Variants in AOX1 observed in about 807,000 individuals in gnomAD.
AOX1 encodes the protein aldehyde oxidase 1.
AOX1 carries 153 observed loss-of-function variants against 169.5 expected under a neutral mutation model. The ratio of observed to expected loss-of-function variants is 0.90; its 90% CI spans 0.79 to 1.03. AOX1 has a LOEUF of 1.03. Ranked by LOEUF, AOX1 falls within the 50% of genes least tolerant of loss-of-function variation. The pLI is 0.00. For missense variants in AOX1, 1,656 were observed against 1,663.9 expected (o/e 1.00, Z 0.08); for synonymous variants, 562 against 581.9 (o/e 0.97, Z 0.49).
At chr2:200,654,655 C>T (rs758338457) in intron 26 of AOX1, among the ~76,000 whole-genome samples, 1 of 152,190 alleles carries the variant, frequency 6.6e-6, no homozygotes, top group Non-Finnish European at 1.5e-5. Flanking sequence ...ACTCAAATGT[C>T]TGAATGGCTG....
chr2:200,630,673 T>C (rs1381423220), intron 20 of AOX1, among the ~76,000 whole-genome samples: 1 of 152,162 alleles, frequency 6.6e-6, no homozygotes, highest in East Asian at 1.9e-4. Flanking sequence ...ATTTTCATCC[T>C]CTTGACTCAC....
In AOX1 at chr2:200,604,042, A is replaced by G. The variant is rs775752418; in HGVS notation, c.614A>G (p.Glu205Gly). The part of the protein sequence containing the change: ...SKTSPKLFAE[E>G]EFLPLDPTQE... ...ACAAGTCCAAAACTCTTCGCAGAAG[A>G]GGAGTTTCTGCCATTGGATCCAACC... The change falls in exon 8 of 35, where the codon GAG (glutamate) becomes GGG (glycine). Residue 205 changes from glutamate (E) to glycine (G), a missense_variant. Physicochemically the swap from Glu to Gly is moderately conservative, Grantham distance 98. Transcript: ENST00000374700. 23 of 1,612,868 alleles carry G rather than the reference A, an allele frequency of 1.4e-5. No homozygotes were observed. The African/African-American group carries it at 2.9e-4, about 21-fold the overall frequency.
At chr2:200,657,190 A>ATATATTTTTTTTTTTTTT in intron 27 of AOX1, among the ~76,000 whole-genome samples, 9 of 62,878 alleles carry the variant, frequency 1.4e-4, no homozygotes, top group African/African-American at 5.5e-4. Context: ...ATATATATAT[A>ATATATTTTTTTTTTTTTT]TTTTTTTTTT....
chr2:200,590,562 A>C lies in AOX1; in HGVS notation c.46-2584A>C, dbSNP rs1254387106. ...CTCCAAATACAACCCTCACTACATC[A>C]AAACAACAACAACAACAACAACAAC... is the stretch of plus-strand genomic sequence containing the variant. On this transcript the variant is annotated intron_variant, in intron 1 of 34. Coordinates refer to ENST00000374700, the MANE Select transcript of AOX1 (RefSeq NM_001159.4). Among the ~76,000 whole-genome samples the C allele has an allele frequency of 8.5e-5, 13 of 152,168 alleles. No individual in the cohort carries two copies. The East Asian group carries it at 2.5e-3, about 29-fold the overall frequency.
At chr2:200,604,989 G>A (rs1311338877) in intron 9 of AOX1, 149 bp downstream of exon 9, 4 of 715,136 alleles carry the variant, frequency 5.6e-6, no homozygotes, top group Non-Finnish European at 9.2e-6. Context: ...TAGACTTCCT[G>A]AGCATTGCTC....
At chr2:200,664,918 G>A (rs891684915) in intron 31 of AOX1, among the ~76,000 whole-genome samples, 1 of 152,148 alleles carries the variant, frequency 6.6e-6, no homozygotes, top group African/African-American at 2.4e-5. Context: ...GGCTTATCTG[G>A]GTGATTCTGC....
chr2:200,593,109 G>A (rs369319200), intron 1 of AOX1, 37 bp from the exon 2 acceptor site: 14 of 1,496,786 alleles, frequency 9.4e-6, no homozygotes, highest in Admixed American at 1.7e-5. Context: ...TTTCATATTA[G>A]CTCTCTCAAC....
chr2:200,620,844 T>C, intron 17 of AOX1, 25 bp downstream of exon 17: 1 of 1,581,546 alleles, frequency 6.3e-7, no homozygotes, highest in South Asian at 1.2e-5. Context: ...TCTTACTCAA[T>C]GGGCATAAAT....
intron 6 of AOX1, among the ~76,000 whole-genome samples, chr2:200,602,701 A>G (rs372791420): frequency 1.3e-5 from 2 of 152,226 alleles, no homozygotes; most frequent in East Asian, 3.9e-4. Flanking sequence ...TTTGGTCACA[A>G]TGTGGTGCAA....
intron 6 of AOX1, 86 bp downstream of exon 6, chr2:200,602,431 T>C: frequency 8.6e-7 from 1 of 1,168,978 alleles, no homozygotes; most frequent in Non-Finnish European, 1.3e-6. Flanking sequence ...GGGGCAGCCA[T>C]CTTACTAATA....
intron 32 of AOX1, among the ~76,000 whole-genome samples, chr2:200,668,401 G>A (rs184063229): frequency 1.6e-4 from 24 of 152,140 alleles, no homozygotes; most frequent in Non-Finnish European, 2.9e-4. Context: ...GAGCCACCAC[G>A]CCCGGCTGAC....
At chr2:200,594,874 A>G (rs2034247825) in intron 2 of AOX1, among the ~76,000 whole-genome samples, 1 of 152,238 alleles carries the variant, frequency 6.6e-6, no homozygotes, top group South Asian at 2.1e-4. Flanking sequence ...GATGACACAA[A>G]TATTCCAAGC....
intron 32 of AOX1, among the ~76,000 whole-genome samples, chr2:200,667,931 C>T (rs2035951222): frequency 3.9e-5 from 6 of 151,962 alleles, no homozygotes; most frequent in Admixed American, 3.9e-4. Context: ...TCTCTGGACA[C>T]ATCAGTCAGG....
At position 200,668,720 on chromosome 2, in the gene AOX1, C is replaced by G. The variant is rs1286892570; in HGVS notation, c.3715C>G (p.Pro1239Ala). 3 of 1,614,036 alleles carry G rather than the reference C, an allele frequency of 1.9e-6. No individual in the cohort carries two copies. Among genetic ancestry groups the G allele is most frequent in the Admixed American group, 1.7e-5 (1 of 59,990 alleles). ...TCGTGGTCCAGACCAATATAAAATC[C>G]CTGCCATCTGTGACATGCCCACGGA... is the stretch of plus-strand genomic sequence containing the variant. ...HTRGPDQYKI[P>A]AICDMPTELH... Residue 1239 changes from proline (P) to alanine (A), a missense_variant, in exon 33 of 35, where the codon CCT becomes GCT. Pro to Ala is a conservative substitution (Grantham distance 27). Coordinates refer to ENST00000374700, the MANE Select transcript of AOX1 (RefSeq NM_001159.4).
At chr2:200,607,671 G>A (rs1417408229) in intron 10 of AOX1, among the ~76,000 whole-genome samples, 1 of 152,042 alleles carries the variant, frequency 6.6e-6, no homozygotes, top group Non-Finnish European at 1.5e-5. Flanking sequence ...TGCACACTTA[G>A]GTATATTGCA....
rs1487789955 is a variant in AOX1, at chr2:200,641,176, T to TC, written c.2648dup (p.Leu884IlefsTer65). On this transcript the variant is annotated frameshift_variant, in exon 24 of 35. Coordinates refer to ENST00000374700, the MANE Select transcript of AOX1 (RefSeq NM_001159.4). LOFTEE classifies it high-confidence loss of function. ...CAATGCAGGCGCCTCCTTGGATGAA[T>TC]CATTATTCGTAAGTGTTTTAAGGAG... is the stretch of plus-strand genomic sequence containing the variant. 3 of 1,608,154 alleles carry TC rather than the reference T, an allele frequency of 1.9e-6. No individual in the cohort carries two copies. The highest frequency in any genetic ancestry group is 2.6e-6 in the Non-Finnish European group (3 of 1,174,854).
intron 28 of AOX1, among the ~76,000 whole-genome samples, 198 bp from the exon 29 acceptor site, chr2:200,659,797 C>CACAT (rs1188248108): frequency 1.1e-4 from 13 of 123,634 alleles, no homozygotes; most frequent in Admixed American, 3.0e-4. Context: ...CACACACACA[C>CACAT]ACACACACAC....
chr2:200,659,344 T>C (rs1476712484), intron 28 of AOX1, 51 bp downstream of exon 28: 1 of 1,580,302 alleles, frequency 6.3e-7, no homozygotes, highest in Non-Finnish European at 8.6e-7. Flanking sequence ...CAGGGCCAAA[T>C]ACGTGGGTGG....
At chr2:200,644,305 T>C (rs564864337) in intron 25 of AOX1, among the ~76,000 whole-genome samples, 8 of 152,352 alleles carry the variant, frequency 5.3e-5, no homozygotes, top group African/African-American at 1.9e-4. Flanking sequence ...TAGCACCATT[T>C]GTTGAAAAGG....
Sources: allele counts gnomAD v4.1 joint callset (sites outside exome capture counted in the v4.1 genomes callset), GRCh38; gene constraint gnomAD v4.1.1; transcripts MANE v1.5; gene names NCBI Gene and HGNC (gene_info 2026-07-23, HGNC 2026-07-21).